The following MEP1A variants were observed in gnomAD, a reference collection of about 807,000 sequenced individuals.
The protein encoded by MEP1A is meprin A subunit alpha.
A neutral mutation model predicts 84.5 loss-of-function variants in MEP1A; 68 were observed. The ratio of observed to expected loss-of-function variants is 0.80; its 90% CI spans 0.66 to 0.98. The LOEUF (loss-of-function observed/expected upper bound fraction) is 0.98. Ranked by LOEUF, MEP1A falls within the 50% of genes least tolerant of loss-of-function variation. The probability of loss-of-function intolerance (pLI) is 0.00; values close to 1 mark genes in which losing one functional copy is unlikely to be tolerated. For synonymous variants in MEP1A, 337 were observed against 336.8 expected, an observed-to-expected ratio of 1.00 and a Z score of -0.01; for missense variants, 887 against 919.9, an observed-to-expected ratio of 0.96 and a Z score of 0.46.
At chr6:46,835,124 A>C (rs778300166) in intron 12 of MEP1A, 125 bp from the exon 13 acceptor site, 10 of 823,834 alleles carry the variant, frequency 1.2e-5, no homozygotes, top group African/African-American at 1.7e-5. Flanking sequence ...ATTCAAAGCC[A>C]CTTTTCCATG....
intron 5 of MEP1A, among the ~76,000 whole-genome samples, chr6:46,807,784 AAAGAAAGAAAGAAAGAAAG>A (rs1767388157): frequency 9.1e-6 from 1 of 110,342 alleles, no homozygotes. Flanking sequence ...AGAAAGAAAG[AAAGAAAGAAAGAAAGAAAG>A]AAAGAAAGAA....
intron 7 of MEP1A, among the ~76,000 whole-genome samples, chr6:46,822,779 A>G (rs1313814116): frequency 1.5e-4 from 23 of 152,162 alleles, no homozygotes. Context: ...TCCTGGCCTC[A>G]AGTGATTCAC....
chr6:46,832,695 T>C (rs1485502883), intron 10 of MEP1A, among the ~76,000 whole-genome samples: 2 of 152,178 alleles, frequency 1.3e-5, no homozygotes, highest in Non-Finnish European at 2.9e-5. Flanking sequence ...TTTTTACTTT[T>C]GGCTTAGAAA....
At chr6:46,794,764 G>T (rs1767014200) in intron 3 of MEP1A, among the ~76,000 whole-genome samples, 1 of 152,232 alleles carries the variant, frequency 6.6e-6, no homozygotes, top group South Asian at 2.1e-4. Flanking sequence ...TCTCTCTTTA[G>T]AGTTAGCCAT....
In MEP1A at chr6:46,839,306, T is replaced by A; in HGVS notation, c.*170T>A. On this transcript the variant is annotated 3_prime_UTR_variant, in exon 14 of 14. Transcript: ENST00000230588. ...CATCTCTCTGCCCCACATAATTCTG[T>A]TACTTTGCTATGTGCTCCTAATGTA... 1 of 539,554 alleles carries A rather than the reference T, an allele frequency of 1.9e-6. No individual in the cohort carries two copies. Among genetic ancestry groups the A allele is most frequent in the East Asian group, 3.0e-5 (1 of 33,512 alleles). The allele number at this position is 539,554 out of a possible 1,614,324, so 33.4% of individuals were successfully genotyped here.
intron 7 of MEP1A, among the ~76,000 whole-genome samples, chr6:46,820,184 T>C (rs563478782): frequency 6.6e-6 from 1 of 152,226 alleles, no homozygotes; most frequent in East Asian, 1.9e-4. Flanking sequence ...AAAACAAAAA[T>C]AAATGCTTTT....
intron 3 of MEP1A, among the ~76,000 whole-genome samples, chr6:46,795,243 C>T (rs1767025307): frequency 6.6e-6 from 1 of 152,176 alleles, no homozygotes; most frequent in South Asian, 2.1e-4. Context: ...TCACACCTGA[C>T]ACACAATCTG....
intron 6 of MEP1A, among the ~76,000 whole-genome samples, chr6:46,815,913 T>G (rs1581675412): frequency 6.6e-6 from 1 of 152,158 alleles, no homozygotes; most frequent in Non-Finnish European, 1.5e-5. Context: ...GAGTAGTTAC[T>G]TTTGGAGCTT....
Position 46,825,316 on chromosome 6 carries a change from G to A in MEP1A, c.601G>A (p.Asp201Asn). The change falls in exon 8 of 14, where the codon GAC becomes AAC. Residue 201 changes from aspartate to asparagine, a missense_variant. Asp to Asn is a conservative substitution (Grantham distance 23). Coordinates refer to ENST00000230588, the MANE Select transcript of MEP1A (RefSeq NM_005588.3). Reference protein sequence around the residue: ...FDTYDDSLITDLNTPYDYESL... With the variant: ...FDTYDDSLITNLNTPYDYESL... Reference sequence around the variant, plus strand: ...CACCTATGATGATAGCTTAATCACAGACCTCAATACACCCTATGATTATGA... The same window carrying A: ...CACCTATGATGATAGCTTAATCACAAACCTCAATACACCCTATGATTATGA... 1 of 1,613,376 alleles carries A rather than the reference G, an allele frequency of 6.2e-7. No individual in the cohort carries two copies. Among genetic ancestry groups the A allele is most frequent in the Non-Finnish European group, 8.5e-7 (1 of 1,179,756 alleles).
chr6:46,799,099 T>C lies in MEP1A; in HGVS notation c.187-7T>C. 1.2e-6 allele frequency: 2 copies of C among 1,607,918 alleles called. No individual in the cohort carries two copies. Among genetic ancestry groups the C allele is most frequent in the South Asian group, 2.2e-5 (2 of 90,940 alleles). ...CTTCCCACTCACCTTTACCTTTGTT[T>C]TCACAGAAATCCAGAAATGGCCTGA... On this transcript the variant is annotated splice_region_variant and splice_polypyrimidine_tract_variant and intron_variant, in intron 4 of 13. Coordinates refer to ENST00000230588, the MANE Select transcript of MEP1A (RefSeq NM_005588.3).
chr6:46,799,316 TG>T (rs747407583), intron 5 of MEP1A, 135 bp downstream of exon 5: 20 of 642,144 alleles, frequency 3.1e-5, no homozygotes, highest in Non-Finnish European at 5.3e-5. Flanking sequence ...CTTTATCTAA[TG>T]GGGAGAAAGA....
rs980157670 is a variant in MEP1A, at chr6:46,829,318, G to A, written c.929-38G>A. Reference sequence around the variant, plus strand: ...GGGTGGACAGAACCCTGGGGTGTGGGAAGCCAGACGTGTGATGTTTGGCTG... The same window carrying A: ...GGGTGGACAGAACCCTGGGGTGTGGAAAGCCAGACGTGTGATGTTTGGCTG... On this transcript the variant is annotated intron_variant, in intron 9 of 13. Coordinates refer to ENST00000230588, the MANE Select transcript of MEP1A (RefSeq NM_005588.3). The A allele has an allele frequency of 2.5e-6, 4 of 1,575,650 alleles. No individual in the cohort carries two copies. In the East Asian group the frequency reaches 6.7e-5, roughly 26 times the overall value.
At chr6:46,803,710 A>G (rs1418418427) in intron 5 of MEP1A, among the ~76,000 whole-genome samples, 3 of 148,174 alleles carry the variant, frequency 2.0e-5, no homozygotes, top group Non-Finnish European at 4.5e-5. Context: ...CTAATGTAAT[A>G]TATTCTACAA....
rs757599322 is a variant in MEP1A at position 46,829,383 on chromosome 6, C to A, written c.956C>A (p.Thr319Asn). 1 of 1,613,730 alleles carries A rather than the reference C, an allele frequency of 6.2e-7. No homozygotes were observed. Among genetic ancestry groups the A allele is most frequent in the South Asian group, 1.1e-5 (1 of 91,062 alleles). The stretch of plus-strand genomic sequence containing the variant: ...GCCGGCTACTTCATGCAGTTCAGCA[C>A]CAGCTCGGGGTCCGCGGAAGAGGCA... ...TGAGYFMQFS[T>N]SSGSAEEAAL... Residue 319 changes from threonine to asparagine, a missense_variant, in exon 10 of 14, where the codon ACC becomes AAC. By Grantham distance (65) the Thr-to-Asn change is moderately conservative (BLOSUM62 0). Transcript: ENST00000230588.
In MEP1A at chr6:46,821,250, G is replaced by A. The variant is rs1245476544; in HGVS notation, c.556+1546G>A. Among the ~76,000 whole-genome samples, 4 of 152,084 alleles carry A rather than the reference G, an allele frequency of 2.6e-5. No individual in the cohort carries two copies. The East Asian group carries it at 5.8e-4, about 22-fold the overall frequency. The stretch of plus-strand genomic sequence containing the variant: ...CTATGAATGTGGATTGGTGTAGTAA[G>A]GAAGAAAACTGTAACTTATAATAGT... On this transcript the variant is annotated intron_variant, in intron 7 of 13. Transcript: ENST00000230588.
chr6:46,812,886 A>T (rs747311248), intron 6 of MEP1A, among the ~76,000 whole-genome samples: 1 of 152,140 alleles, frequency 6.6e-6, no homozygotes, highest in Non-Finnish European at 1.5e-5. Context: ...GTGGTCTATC[A>T]TATGGCCTAA....
intron 10 of MEP1A, among the ~76,000 whole-genome samples, chr6:46,832,309 C>T (rs552290341): frequency 1.3e-5 from 2 of 152,308 alleles, no homozygotes; most frequent in South Asian, 4.1e-4. Context: ...CTCTCCAGTA[C>T]CCCCAAGCTC....
rs776059147 is a variant in MEP1A, at chr6:46,799,113, G to A, written c.194G>A (p.Arg65Lys). 11 of 1,612,184 alleles carry A rather than the reference G, an allele frequency of 6.8e-6. No homozygotes were observed. The highest frequency in any genetic ancestry group is 2.7e-5 in the African/African-American group (2 of 74,876). The change falls in exon 5 of 14, where the codon AGA (arginine) becomes AAA (lysine). Residue 65 changes from arginine to lysine, a missense_variant. Coordinates refer to ENST00000230588, the MANE Select transcript of MEP1A (RefSeq NM_005588.3). ...FQGDILLQKS[R>K]NGLRDPNTRW... ...TTACCTTTGTTTTCACAGAAATCCA[G>A]AAATGGCCTGAGAGACCCAAACACC... is the stretch of plus-strand genomic sequence containing the variant.
In MEP1A at chr6:46,823,297, T is replaced by G. The variant is rs931508643; in HGVS notation, c.557-1975T>G. On this transcript the variant is annotated intron_variant, in intron 7 of 13. Coordinates refer to ENST00000230588, the MANE Select transcript of MEP1A (RefSeq NM_005588.3). ...AGCTCTGTATGAGGCAGTTACATTT[T>G]CTTCTCTCTAATTGTTCAAAGTAAC... 5.9e-5 allele frequency among the ~76,000 whole-genome samples: 9 copies of G among 152,198 alleles called. No homozygotes were observed. The South Asian group carries it at 1.2e-3, about 21-fold the overall frequency.
Sources: allele counts gnomAD v4.1 joint callset (sites outside exome capture counted in the v4.1 genomes callset), GRCh38; gene constraint gnomAD v4.1.1; transcripts MANE v1.5; gene names NCBI Gene and HGNC (gene_info 2026-07-23, HGNC 2026-07-21).